PLPP3: variants seen among roughly 807,000 people sequenced by gnomAD.
PLPP3 encodes the protein PAP2 beta.
PLPP3 carries 6 observed loss-of-function variants against 29.6 expected under a neutral mutation model. The observed-to-expected ratio is 0.20, with a 90% CI of 0.11 to 0.40. PLPP3 has a LOEUF of 0.40. Ranked by LOEUF, PLPP3 falls within the 10% of genes least tolerant of loss-of-function variation. The pLI is 1.00. For synonymous variants in PLPP3, 152 were observed against 159.7 expected (o/e 0.95, Z 0.36); for missense variants, 308 against 407.7 (o/e 0.76, Z 2.11).
intron 4 of PLPP3, among the ~76,000 whole-genome samples, chr1:56,518,181 C>T (rs1645795281): frequency 6.6e-6 from 1 of 152,106 alleles, no homozygotes. Flanking sequence ...GGTACAGATT[C>T]CCCTTGGAAA....
At chr1:56,535,468 G>A (rs1020189095) in intron 2 of PLPP3, among the ~76,000 whole-genome samples, 3 of 152,184 alleles carry the variant, frequency 2.0e-5, no homozygotes, top group Admixed American at 6.5e-5. Flanking sequence ...GGTTGGGGAA[G>A]CAATGCTGTT....
At chr1:56,548,482 C>T (rs1646019134) in intron 1 of PLPP3, among the ~76,000 whole-genome samples, 1 of 152,160 alleles carries the variant, frequency 6.6e-6, no homozygotes, top group African/African-American at 2.4e-5. Flanking sequence ...AAATACCCAA[C>T]TGAAGTACAA....
intron 1 of PLPP3, among the ~76,000 whole-genome samples, chr1:56,545,236 T>C (rs1330402450): frequency 1.3e-5 from 2 of 152,242 alleles, no homozygotes; most frequent in East Asian, 1.9e-4. Context: ...TCTTGCTGTA[T>C]GACCTTAACT....
In PLPP3 at chr1:56,536,999, C is replaced by T. The variant is rs769334962; in HGVS notation, c.253G>A (p.Asp85Asn). 1 of 1,613,802 alleles carries T rather than the reference C, an allele frequency of 6.2e-7. No individual in the cohort carries two copies. The highest frequency in any genetic ancestry group is 8.5e-7 in the Non-Finnish European group (1 of 1,179,858). ...YPLKTGETINDAVLCAVGIVI... is the reference protein window; with the variant it reads ...YPLKTGETINNAVLCAVGIVI... ...ATCCCCACGGCACAGAGCACAGCGT[C>T]ATTTATTGTCTCACCAGTTTTCAGT... The change falls in exon 2 of 6, where the codon GAC becomes AAC. Residue 85 changes from aspartate (D) to asparagine (N), a missense_variant. By Grantham distance (23) the Asp-to-Asn change is conservative. Coordinates refer to ENST00000371250, the MANE Select transcript of PLPP3 (RefSeq NM_003713.5).
rs184566691 is a variant in PLPP3, at chr1:56,499,164, C to T, written c.811-2488G>A. ...CTCCCAACCTAATTTTCTGAGCTCA[C>T]AGTCACTATATCCTAGGGTTTCCAT... On this transcript the variant is annotated intron_variant, in intron 5 of 5. Coordinates refer to ENST00000371250, the MANE Select transcript of PLPP3 (RefSeq NM_003713.5). 6.3e-3 allele frequency among the ~76,000 whole-genome samples: 940 copies of T among 148,662 alleles called. 10 individuals carry two copies. Among genetic ancestry groups the T allele is most frequent in the African/African-American group, 0.022 (901 of 40,670 alleles).
Position 56,578,836 on chromosome 1 carries a change from ACGAGGGGC to A in PLPP3, c.139+34_139+41del, listed in dbSNP as rs752004693. 5 of 1,494,862 alleles carry A rather than the reference ACGAGGGGC, an allele frequency of 3.3e-6. No homozygotes were observed. In the East Asian group the frequency reaches 1.2e-4, roughly 35 times the overall value. The allele number at this position is 1,494,862 out of a possible 1,614,324, so 92.6% of individuals were successfully genotyped here. A position where few individuals can be genotyped will look rare whatever the true frequency, so the allele number is the denominator to read the frequency against. On this transcript the variant is annotated intron_variant, in intron 1 of 5. Coordinates refer to ENST00000371250, the MANE Select transcript of PLPP3 (RefSeq NM_003713.5). ...ACTGGGCTGGGACGCGCGCCGAGGG[ACGAGGGGC>A]CGAGGGGCCGAGGGACAGCGGGGCT...
chr1:56,499,746 C>T (rs1557495713), intron 5 of PLPP3, among the ~76,000 whole-genome samples: 1 of 152,104 alleles, frequency 6.6e-6, no homozygotes, highest in South Asian at 2.1e-4. Context: ...CTGTCAAGAC[C>T]GAAACAGGGT....
chr1:56,578,097 G>A (rs918214797), intron 1 of PLPP3, among the ~76,000 whole-genome samples: 1 of 152,064 alleles, frequency 6.6e-6, no homozygotes, highest in African/African-American at 2.4e-5. Flanking sequence ...GAAAACAGAA[G>A]TGGACCATCG....
chr1:56,511,043 TAAC>T (rs1645737933), intron 5 of PLPP3, among the ~76,000 whole-genome samples: 1 of 152,192 alleles, frequency 6.6e-6, no homozygotes, highest in Admixed American at 6.5e-5. Context: ...AGGATAATAC[TAAC>T]AACAATACAA....
chr1:56,567,783 T>C (rs1482925294), intron 1 of PLPP3, among the ~76,000 whole-genome samples: 2 of 152,162 alleles, frequency 1.3e-5, no homozygotes, highest in African/African-American at 2.4e-5. Context: ...AGTTACTATA[T>C]GATCCAGGAA....
At chr1:56,511,832 C>A in intron 5 of PLPP3, 144 bp downstream of exon 5, 1 of 935,386 alleles carries the variant, frequency 1.1e-6, no homozygotes, top group Non-Finnish European at 1.7e-6. Flanking sequence ...GTCCTAAGGC[C>A]TAAGGCCTAA....
chr1:56,575,012 G>C (rs1035752469), intron 1 of PLPP3, among the ~76,000 whole-genome samples: 2 of 152,160 alleles, frequency 1.3e-5, no homozygotes, highest in Non-Finnish European at 2.9e-5. Context: ...AGACTATAAT[G>C]ACTGTCTCTA....
intron 1 of PLPP3, among the ~76,000 whole-genome samples, chr1:56,540,292 C>T (rs1057486031): frequency 6.6e-6 from 1 of 152,110 alleles, no homozygotes; most frequent in Non-Finnish European, 1.5e-5. Context: ...AAAGATGACC[C>T]AGACCCTGCC....
chr1:56,579,296 T>G lies in PLPP3; in HGVS notation c.-280A>C, dbSNP rs1646260452. The G allele has an allele frequency of 2.5e-6, 1 of 397,516 alleles. No individual in the cohort carries two copies. Among genetic ancestry groups the G allele is most frequent in the East Asian group, 6.0e-5 (1 of 16,552 alleles). The allele number at this position is 397,516 out of a possible 1,614,324, so 24.6% of individuals were successfully genotyped here. The stretch of plus-strand genomic sequence containing the variant: ...GAGCCAGATCCCGAGCAGAAACTTT[T>G]GCAGAGCTGCGCAGCTTGGGGCGCG... On this transcript the variant is annotated 5_prime_UTR_variant, in exon 1 of 6. Transcript: ENST00000371250.
intron 5 of PLPP3, among the ~76,000 whole-genome samples, chr1:56,497,794 G>A (rs1027905935): frequency 6.6e-5 from 10 of 152,262 alleles, no homozygotes; most frequent in African/African-American, 2.4e-4. Context: ...GGCCACAGTA[G>A]GGACTTGAAT....
chr1:56,570,129 A>C (rs1189689274), intron 1 of PLPP3, among the ~76,000 whole-genome samples: 1 of 152,240 alleles, frequency 6.6e-6, no homozygotes, highest in Non-Finnish European at 1.5e-5. Context: ...CATCTGCAGA[A>C]GACAAGGCTT....
rs1424690968 is a variant in PLPP3, at chr1:56,557,069, A to G, written c.140-19957T>C. Reference sequence around the variant, plus strand: ...GAGAGAGAGAGAGAGAAAGAAAGAAAGAAAGAAAAAATGAGAGAGAGAGAA... The same window carrying G: ...GAGAGAGAGAGAGAGAAAGAAAGAAGGAAAGAAAAAATGAGAGAGAGAGAA... On this transcript the variant is annotated intron_variant, in intron 1 of 5. Coordinates refer to ENST00000371250, the MANE Select transcript of PLPP3 (RefSeq NM_003713.5). Among the ~76,000 whole-genome samples, 246 of 131,316 alleles carry G rather than the reference A, an allele frequency of 1.9e-3. 2 individuals carry two copies. Among genetic ancestry groups the G allele is most frequent in the East Asian group, 2.7e-3 (12 of 4,418 alleles). The allele number at this position is 131,316 out of a possible 152,430, so 86.1% of individuals were successfully genotyped here.
At chr1:56,566,815 T>C (rs1347627024) in intron 1 of PLPP3, among the ~76,000 whole-genome samples, 1 of 152,188 alleles carries the variant, frequency 6.6e-6, no homozygotes, top group East Asian at 1.9e-4. Context: ...TATTCAGGAT[T>C]TGTATTTGTG....
chr1:56,575,716 G>A (rs149786145), intron 1 of PLPP3, among the ~76,000 whole-genome samples: 192 of 152,264 alleles, frequency 1.3e-3, no homozygotes, highest in African/African-American at 4.5e-3. Flanking sequence ...TCCCTTTTCT[G>A]AGACATGGTT....
Sources: allele counts gnomAD v4.1 joint callset (sites outside exome capture counted in the v4.1 genomes callset), GRCh38; gene constraint gnomAD v4.1.1; transcripts MANE v1.5; gene names NCBI Gene and HGNC (gene_info 2026-07-23, HGNC 2026-07-21).